MYSM1: variants seen among roughly 807,000 people sequenced by gnomAD.
MYSM1 encodes the protein Myb like, SWIRM and MPN domains 1.
MYSM1 carries 51 observed loss-of-function variants against 116.0 expected under a neutral mutation model. That is an observed-to-expected ratio of 0.44 (90% confidence interval 0.35 to 0.56). The LOEUF (loss-of-function observed/expected upper bound fraction) is 0.56. Among genes scored for constraint, MYSM1 ranks in the 20% least tolerant of loss-of-function variants. The pLI is 0.00. For synonymous variants in MYSM1, 313 were observed against 315.2 expected, an observed-to-expected ratio of 0.99 and a Z score of 0.07; for missense variants, 900 against 974.9, an observed-to-expected ratio of 0.92 and a Z score of 1.02.
At chr1:58,680,026 CAAAAAAAAAA>C (rs6143231) in intron 8 of MYSM1, among the ~76,000 whole-genome samples, 43 of 126,894 alleles carry the variant, frequency 3.4e-4, no homozygotes, top group Middle Eastern at 4.6e-3. Context: ...GACTCTGTCT[CAAAAAAAAAA>C]AAAAAAAAAA....
chr1:58,685,468 T>C (rs1006868662), intron 6 of MYSM1, among the ~76,000 whole-genome samples: 2 of 152,206 alleles, frequency 1.3e-5, no homozygotes, highest in African/African-American at 4.8e-5. Context: ...GGAAATGATT[T>C]AGAAACTCCT....
At chr1:58,679,898 C>A (rs546897981) in intron 8 of MYSM1, among the ~76,000 whole-genome samples, 14 of 151,856 alleles carry the variant, frequency 9.2e-5, no homozygotes, top group African/African-American at 3.4e-4. Flanking sequence ...CGTGGTGGCA[C>A]GCACCTGTAG....
chr1:58,664,216 G>A (rs1475769974), intron 17 of MYSM1, among the ~76,000 whole-genome samples: 1 of 152,156 alleles, frequency 6.6e-6, no homozygotes, highest in African/African-American at 2.4e-5. Context: ...GTCAGATGAT[G>A]ATTTAAAGAT....
intron 8 of MYSM1, 49 bp downstream of exon 8, chr1:58,681,736 T>C (rs572020910): frequency 6.7e-7 from 1 of 1,491,878 alleles, no homozygotes; most frequent in Non-Finnish European, 9.0e-7. Flanking sequence ...TTAAAATACT[T>C]CAGAATATCA....
chr1:58,660,107 T>C lies in MYSM1; in HGVS notation c.2377A>G (p.Met793Val), dbSNP rs1644369596. The part of the protein sequence containing the change: ...KTLSKVTNCF[M>V]AEEFLTEIEN... ...ATTTCAGTCAAGAATTCTTCAGCCA[T>C]AAAGCAATTGGTCACTTTGCTCAGA... The change falls in exon 20 of 20, where the codon ATG becomes GTG. Residue 793 changes from methionine (M) to valine (V), a missense_variant. By Grantham distance (21) the Met-to-Val change is conservative (BLOSUM62 1). Transcript: ENST00000472487. The C allele has an allele frequency of 1.2e-6, 2 of 1,609,996 alleles. No individual in the cohort carries two copies. The highest frequency in any genetic ancestry group is 2.7e-5 in the African/African-American group (2 of 74,672).
chr1:58,697,172 A>G (rs1243144302), intron 1 of MYSM1, among the ~76,000 whole-genome samples: 2 of 152,194 alleles, frequency 1.3e-5, no homozygotes, highest in African/African-American at 2.4e-5. Flanking sequence ...GAGGGAGGTA[A>G]GGAATGATGA....
chr1:58,668,862 TTCTC>T (rs990211496), intron 13 of MYSM1, 118 bp downstream of exon 13: 3 of 981,984 alleles, frequency 3.1e-6, no homozygotes, highest in African/African-American at 3.3e-5. Flanking sequence ...CAGGGAGAAA[TTCTC>T]TCTCATTTTC....
At chr1:58,688,050 GA>G (rs984499628) in intron 6 of MYSM1, among the ~76,000 whole-genome samples, 2 of 151,552 alleles carry the variant, frequency 1.3e-5, no homozygotes, top group Non-Finnish European at 2.9e-5. Flanking sequence ...TTAAATAAAT[GA>G]TTAATTAAAG....
At chr1:58,693,424 C>T (rs971368199) in intron 2 of MYSM1, among the ~76,000 whole-genome samples, 1 of 152,202 alleles carries the variant, frequency 6.6e-6, no homozygotes, top group African/African-American at 2.4e-5. Flanking sequence ...GAGATTTCTA[C>T]TTGGATATCT....
chr1:58,685,363 T>G (rs1644813095), intron 6 of MYSM1, 112 bp from the exon 7 acceptor site: 1 of 656,646 alleles, frequency 1.5e-6, no homozygotes, highest in African/African-American at 1.8e-5. Context: ...CATCTTTATT[T>G]TCTGAAGCAC....
intron 17 of MYSM1, among the ~76,000 whole-genome samples, chr1:58,665,010 T>C (rs950785004): frequency 6.6e-6 from 1 of 152,216 alleles, no homozygotes; most frequent in African/African-American, 2.4e-5. Flanking sequence ...AGTCAGATGA[T>C]GGTCTATGCC....
At chr1:58,687,490 C>G (rs1295625320) in intron 6 of MYSM1, among the ~76,000 whole-genome samples, 2 of 152,116 alleles carry the variant, frequency 1.3e-5, no homozygotes, top group African/African-American at 2.4e-5. Flanking sequence ...TAAATTCAAT[C>G]TATTTGCAGA....
chr1:58,677,504 G>A (rs1374882262), intron 8 of MYSM1, among the ~76,000 whole-genome samples: 1 of 151,918 alleles, frequency 6.6e-6, no homozygotes, highest in East Asian at 1.9e-4. Flanking sequence ...TCTTACAAAT[G>A]CTTAAACATT....
chr1:58,675,701 A>C, intron 9 of MYSM1, 121 bp from the exon 10 acceptor site: 1 of 670,116 alleles, frequency 1.5e-6, no homozygotes, highest in Non-Finnish European at 2.6e-6. Flanking sequence ...ACGATCATAC[A>C]TTTGATGTGC....
chr1:58,661,224 G>A lies in MYSM1; in HGVS notation c.2274C>T (p.Ser758=), dbSNP rs753545555. 7 of 1,612,172 alleles carry A rather than the reference G, an allele frequency of 4.3e-6. No homozygotes were observed. The highest frequency in any genetic ancestry group is 2.2e-5 in the East Asian group (1 of 44,844). The change falls in exon 19 of 20, where the codon AGC becomes AGT. Residue 758 remains serine, a synonymous_variant. Coordinates refer to ENST00000472487, the MANE Select transcript of MYSM1 (RefSeq NM_001085487.3). The part of the protein sequence containing the change: ...IIEKYRLSHS[S]VPMDKIFRRD... ...GGCGAAAGATTTTATCCATGGGGAC[G>A]CTGCTGTAGGAAGAAATATGAAAAC...
intron 16 of MYSM1, 133 bp downstream of exon 16, chr1:58,666,905 A>T: frequency 2.4e-6 from 1 of 425,376 alleles, no homozygotes; most frequent in Non-Finnish European, 3.9e-6. Context: ...AATAAATAAA[A>T]ATAAACAAAC....
At chr1:58,680,816 T>A (rs967282782) in intron 8 of MYSM1, among the ~76,000 whole-genome samples, 2 of 144,836 alleles carry the variant, frequency 1.4e-5, no homozygotes, top group Non-Finnish European at 3.0e-5. Flanking sequence ...TTATGATTTT[T>A]AAAAATAATT....
At chr1:58,673,444 A>C in intron 11 of MYSM1, 129 bp downstream of exon 11, 1 of 770,132 alleles carries the variant, frequency 1.3e-6, no homozygotes, top group Non-Finnish European at 2.1e-6. Context: ...CTTCCAGACA[A>C]ATTAACATGG....
intron 1 of MYSM1, among the ~76,000 whole-genome samples, chr1:58,698,104 T>TATA (rs1557530217): frequency 7.0e-4 from 8 of 11,354 alleles, no homozygotes; most frequent in African/African-American, 2.3e-3. Context: ...ATATATATAT[T>TATA]TTTTTTTTTT....
Sources: allele counts gnomAD v4.1 joint callset (sites outside exome capture counted in the v4.1 genomes callset), GRCh38; gene constraint gnomAD v4.1.1; transcripts MANE v1.5; gene names NCBI Gene and HGNC (gene_info 2026-07-23, HGNC 2026-07-21).